YPEL1: variants seen among roughly 807,000 people sequenced by gnomAD.
YPEL1 encodes protein yippee-like 1.
In YPEL1, 7 loss-of-function variants were observed where a neutral mutation model predicts 17.3. The observed-to-expected ratio is 0.40, with a 90% CI of 0.23 to 0.76. The LOEUF (loss-of-function observed/expected upper bound fraction) is 0.76. Ranked by LOEUF, YPEL1 falls within the 30% of genes least tolerant of loss-of-function variation. YPEL1 has a pLI of 0.35. For missense variants in YPEL1, 91 were observed against 155.5 expected, an observed-to-expected ratio of 0.59 and a Z score of 2.21; for synonymous variants, 59 against 59.6, an observed-to-expected ratio of 0.99 and a Z score of 0.05.
In YPEL1 at chr22:21,703,307, T is replaced by A; in HGVS notation, c.270+63A>T. 1 of 1,433,300 alleles carries A rather than the reference T, an allele frequency of 7.0e-7. No homozygotes were observed. The highest frequency in any genetic ancestry group is 1.1e-5 in the South Asian group (1 of 87,310). The allele number at this position is 1,433,300 out of a possible 1,614,324, so 88.8% of individuals were successfully genotyped here. A position where few individuals can be genotyped will look rare whatever the true frequency, so the allele number is the denominator to read the frequency against. On this transcript the variant is annotated intron_variant, in intron 4 of 4. Transcript: ENST00000339468. The surrounding 1 kb of genome is among the most constrained non-coding windows in gnomAD (Gnocchi z 6.1). ...ATGGGCCACACTGCACGGGGAGGTG[T>A]GGCTCAGTGGCAACTTAGTGCCACA...
intron 1 of YPEL1, among the ~76,000 whole-genome samples, chr22:21,729,881 C>T (rs1417472980): frequency 6.6e-6 from 1 of 152,156 alleles, no homozygotes; most frequent in East Asian, 1.9e-4. Flanking sequence ...AGCACGGTGG[C>T]TCACATCTGT....
At chr22:21,713,620 T>G (rs561623895) in intron 1 of YPEL1, among the ~76,000 whole-genome samples, 1 of 152,278 alleles carries the variant, frequency 6.6e-6, no homozygotes, top group East Asian at 1.9e-4. Flanking sequence ...GTTTCAGTTT[T>G]GCAACATGAA....
chr22:21,726,958 T>C (rs1368506685), intron 1 of YPEL1, among the ~76,000 whole-genome samples: 2 of 152,220 alleles, frequency 1.3e-5, no homozygotes, highest in Admixed American at 1.3e-4. Context: ...GCACCGCTAA[T>C]TACAAAAAGC....
rs1041507285 is a variant in YPEL1, at chr22:21,698,125, G to C, written c.*3004C>G. On this transcript the variant is annotated 3_prime_UTR_variant, in exon 5 of 5. Transcript: ENST00000339468. Reference sequence around the variant, plus strand: ...ATGATATTGTTTAGGAATTTAAGAGGGTGGTGGATATGGTCCTGTGAATAG... The same window carrying C: ...ATGATATTGTTTAGGAATTTAAGAGCGTGGTGGATATGGTCCTGTGAATAG... 11 of 152,158 alleles carry C rather than the reference G, an allele frequency of 7.2e-5. No individual in the cohort carries two copies. Among genetic ancestry groups the C allele is most frequent in the Admixed American group, 5.2e-4 (8 of 15,260 alleles). The allele number at this position is 152,158 out of a possible 1,614,324, so 9.4% of individuals were successfully genotyped here.
intron 1 of YPEL1, among the ~76,000 whole-genome samples, chr22:21,725,932 G>A (rs1192057606): frequency 4.6e-5 from 7 of 152,092 alleles, no homozygotes; most frequent in Admixed American, 1.3e-4. Context: ...CGGGGAGGTC[G>A]AGGCTATGGT....
intron 2 of YPEL1, among the ~76,000 whole-genome samples, chr22:21,705,194 G>C (rs1227233204): frequency 6.6e-6 from 1 of 152,182 alleles, no homozygotes. Context: ...GGCCAGGCTG[G>C]TTTCGAACTC....
chr22:21,702,116 T>G (rs1386638407), intron 4 of YPEL1, among the ~76,000 whole-genome samples: 1 of 152,130 alleles, frequency 6.6e-6, no homozygotes, highest in Non-Finnish European at 1.5e-5. Flanking sequence ...TCATTTTGTT[T>G]TGCTGAGTGT....
At chr22:21,704,072 T>A (rs1189745089) in intron 2 of YPEL1, 190 bp from the exon 3 acceptor site, 1 of 731,612 alleles carries the variant, frequency 1.4e-6, no homozygotes, top group Non-Finnish European at 2.5e-6. Flanking sequence ...TGCAAGCTGT[T>A]TTTCATTGTA....
chr22:21,699,786 C>T lies in YPEL1; in HGVS notation c.*1343G>A, dbSNP rs2068045989. 1 of 152,626 alleles carries T rather than the reference C, an allele frequency of 6.6e-6. No individual in the cohort carries two copies. Among genetic ancestry groups the T allele is most frequent in the African/African-American group, 2.4e-5 (1 of 41,422 alleles). 9.5% of individuals were successfully genotyped at this position (152,626 alleles called of 1,614,324 possible). A position where few individuals can be genotyped will look rare whatever the true frequency, so the allele number is the denominator to read the frequency against. ...GGTAGAAAATGAAATCTGACTTTTC[C>T]TCGGTCCAGTGTGTTACTCTATAGA... On this transcript the variant is annotated 3_prime_UTR_variant, in exon 5 of 5. Transcript: ENST00000339468.
At chr22:21,701,304 C>T in intron 4 of YPEL1, 86 bp from the exon 5 acceptor site, 1 of 987,966 alleles carries the variant, frequency 1.0e-6, no homozygotes, top group Non-Finnish European at 1.6e-6. Flanking sequence ...CCCCCCAAGT[C>T]TATACTATGA....
chr22:21,730,747 A>G (rs762196383), intron 1 of YPEL1, among the ~76,000 whole-genome samples: 7 of 152,164 alleles, frequency 4.6e-5, no homozygotes, highest in Admixed American at 1.3e-4. Flanking sequence ...CACTGACAGC[A>G]TCAAACCACC....
intron 2 of YPEL1, among the ~76,000 whole-genome samples, chr22:21,704,622 A>G (rs1243316669): frequency 6.8e-6 from 1 of 146,278 alleles, no homozygotes; most frequent in Admixed American, 7.2e-5. Flanking sequence ...GCGCCACTGC[A>G]CTCCAGCCTG....
At chr22:21,721,353 C>T (rs563620382) in intron 1 of YPEL1, among the ~76,000 whole-genome samples, 4 of 150,416 alleles carry the variant, frequency 2.7e-5, no homozygotes, top group Admixed American at 1.3e-4. Flanking sequence ...CTCCTGACCT[C>T]GTGATCTGCC....
chr22:21,705,859 G>A (rs2068110550), intron 2 of YPEL1, among the ~76,000 whole-genome samples: 1 of 152,118 alleles, frequency 6.6e-6, no homozygotes, highest in Admixed American at 6.6e-5. Context: ...GCCAGGCGCG[G>A]TGGCTCACGC....
chr22:21,701,387 T>A (rs2068064896), intron 4 of YPEL1, among the ~76,000 whole-genome samples, 169 bp from the exon 5 acceptor site: 1 of 152,226 alleles, frequency 6.6e-6, no homozygotes, highest in African/African-American at 2.4e-5. Flanking sequence ...GTGAGTCCAT[T>A]GAGGCAGTGT....
At chr22:21,733,784 A>G (rs2068411223) in intron 1 of YPEL1, among the ~76,000 whole-genome samples, 1 of 152,186 alleles carries the variant, frequency 6.6e-6, no homozygotes, top group African/African-American at 2.4e-5. Flanking sequence ...AAGAAAGAAA[A>G]AAGGAAAAAA....
At chr22:21,724,290 G>C (rs1443653873) in intron 1 of YPEL1, among the ~76,000 whole-genome samples, 1 of 152,152 alleles carries the variant, frequency 6.6e-6, no homozygotes, top group African/African-American at 2.4e-5. Context: ...TATAATCTCA[G>C]CACTTTGGGA....
chr22:21,729,913 C>T (rs541478045), intron 1 of YPEL1, among the ~76,000 whole-genome samples: 238 of 152,160 alleles, frequency 1.6e-3, no homozygotes, highest in African/African-American at 4.6e-3. Flanking sequence ...TTTAGGAGGC[C>T]GAGATGGGCA....
Position 21,703,620 on chromosome 22 carries a change from C to G in YPEL1, c.162-142G>C, listed in dbSNP as rs1601623916. ...CAGAGAGCAGTGCCGTGCCTCTCCC[C>G]CAGCCCTGCCCGCCACCACCATCAA... On this transcript the variant is annotated intron_variant, in intron 3 of 4. Transcript: ENST00000339468. This position sits in a 1 kb window ranked among gnomAD's most constrained non-coding sequence, Gnocchi z 6.1. 3.5e-6 allele frequency: 3 copies of G among 846,684 alleles called. No individual in the cohort carries two copies. The highest frequency in any genetic ancestry group is 1.6e-5 in the South Asian group (1 of 61,508). The allele number at this position is 846,684 out of a possible 1,614,324, so 52.4% of individuals were successfully genotyped here.
Sources: gnomAD v4.1 joint callset for allele counts (sites outside exome capture counted in the v4.1 genomes callset) on GRCh38, gnomAD v4.1.1 for gene constraint, Gnocchi (gnomAD v3.1) non-coding constraint, MANE v1.5 for transcripts, NCBI Gene and HGNC (gene_info 2026-07-23, HGNC 2026-07-21) for gene names.